TCAF1: variants seen among roughly 807,000 people sequenced by gnomAD.
TCAF1 encodes the protein TRPM8 channel associated factor 1.
TCAF1 carries 4 observed loss-of-function variants against 27.3 expected under a neutral mutation model. The ratio of observed to expected loss-of-function variants is 0.15; its 90% CI spans 0.07 to 0.34. The LOEUF (loss-of-function observed/expected upper bound fraction) is 0.34, where lower values mean the gene tolerates loss of function less well. TCAF1 is among the 10% of genes least tolerant of loss of function. The pLI, the probability that TCAF1 is intolerant of heterozygous loss-of-function variation, is 1.00. For missense variants in TCAF1, 257 were observed against 425.8 expected (o/e 0.60, Z 3.49); for synonymous variants, 105 against 167.1 (o/e 0.63, Z 2.87).
intron 1 of TCAF1, among the ~76,000 whole-genome samples, chr7:143,890,313 A>G (rs1446565072): frequency 6.6e-6 from 1 of 152,184 alleles, no homozygotes; most frequent in Non-Finnish European, 1.5e-5. Context: ...ATGTAAAAAT[A>G]CTGTATCTAC....
chr7:143,886,960 G>A (rs142405600), intron 1 of TCAF1, among the ~76,000 whole-genome samples: 3,790 of 147,454 alleles, frequency 0.026, 76 homozygotes, highest in South Asian at 0.053. Flanking sequence ...TCCTGCTTCC[G>A]CTCCCAAAGT....
At chr7:143,886,179 TCCCCAGGG>T (rs1228509779) in intron 1 of TCAF1, among the ~76,000 whole-genome samples, 4 of 151,922 alleles carry the variant, frequency 2.6e-5, no homozygotes, top group African/African-American at 9.7e-5. Flanking sequence ...TTATGGCTGG[TCCCCAGGG>T]CCCCAGGGAG....
At chr7:143,901,725 C>T (rs1252920588) in intron 1 of TCAF1, among the ~76,000 whole-genome samples, 1 of 152,192 alleles carries the variant, frequency 6.6e-6, no homozygotes, top group African/African-American at 2.4e-5. Flanking sequence ...ACAAATCCTA[C>T]GAAAATAGGG....
chr7:143,894,715 GA>G, intron 1 of TCAF1, among the ~76,000 whole-genome samples: 1 of 151,550 alleles, frequency 6.6e-6, no homozygotes, highest in East Asian at 1.9e-4. Flanking sequence ...ATAAAAATTA[GA>G]TATTATAAAA....
In TCAF1 at chr7:143,901,116, G is replaced by C. The variant is rs560038880; in HGVS notation, c.-15+845C>G. ...GCCCTATTTCTTGACCCAAGGAGAT[G>C]GTCAGGCATTCGTTTCATTATTTTT... On this transcript the variant is annotated intron_variant, in intron 1 of 8. Coordinates refer to ENST00000479870, the MANE Select transcript of TCAF1 (RefSeq NM_014719.3). 2.2e-4 allele frequency among the ~76,000 whole-genome samples: 33 copies of C among 152,194 alleles called. No homozygotes were observed. The South Asian group carries it at 6.4e-3, about 30-fold the overall frequency.
chr7:143,875,904 T>C, intron 2 of TCAF1, 85 bp downstream of exon 2: 1 of 1,266,930 alleles, frequency 7.9e-7, no homozygotes, highest in Non-Finnish European at 1.1e-6. Flanking sequence ...AGCACTCTTC[T>C]GTTAGCCTTG....
At chr7:143,895,375 G>A (rs977491066) in intron 1 of TCAF1, among the ~76,000 whole-genome samples, 9 of 151,688 alleles carry the variant, frequency 5.9e-5, no homozygotes, top group South Asian at 2.1e-4. Context: ...GAATCTCATC[G>A]ACCTAAAACT....
intron 1 of TCAF1, chr7:143,882,634 C>T: frequency 2.0e-6 from 2 of 984,894 alleles, no homozygotes; most frequent in Non-Finnish European, 2.4e-6. Context: ...CGCACCCCCG[C>T]CCCGGCCTCC....
chr7:143,874,960 A>G (rs1311227271), intron 2 of TCAF1, among the ~76,000 whole-genome samples: 1 of 152,228 alleles, frequency 6.6e-6, no homozygotes, highest in Non-Finnish European at 1.5e-5. Context: ...ACTCCTTTGC[A>G]GAAGCCCAAT....
At position 143,876,412 on chromosome 7, in the gene TCAF1, T is replaced by TCCTCATGGGACACGA. The variant is rs745724248; in HGVS notation, c.182_196dup (p.Val61_Glu65dup). The TCCTCATGGGACACGA allele has an allele frequency of 1.9e-6, 3 of 1,613,258 alleles. No homozygotes were observed. The highest frequency in any genetic ancestry group is 8.5e-7 in the Non-Finnish European group (1 of 1,179,658). On this transcript the variant is annotated inframe_insertion, in exon 2 of 9. Coordinates refer to ENST00000479870, the MANE Select transcript of TCAF1 (RefSeq NM_014719.3). ...CGTGAGCTGGGCTTCCACCAAGTAG[T>TCCTCATGGGACACGA]CCTCATGGGACACGACCACCAGGCG...
intron 5 of TCAF1, among the ~76,000 whole-genome samples, chr7:143,860,754 A>C (rs1481328282): frequency 6.9e-5 from 10 of 144,340 alleles, no homozygotes; most frequent in East Asian, 2.2e-4. Flanking sequence ...GACAGGCCCC[A>C]ATGTGTGTTG....
chr7:143,880,666 T>A (rs1812965662), intron 1 of TCAF1, among the ~76,000 whole-genome samples: 1 of 152,220 alleles, frequency 6.6e-6, no homozygotes. Context: ...CAACTGATCC[T>A]GGCTCACTGG....
intron 1 of TCAF1, among the ~76,000 whole-genome samples, chr7:143,896,863 A>G (rs1348173130): frequency 6.6e-6 from 1 of 151,770 alleles, no homozygotes; most frequent in African/African-American, 2.4e-5. Context: ...TGAGCTAAGC[A>G]TATAATTTAA....
At chr7:143,900,520 G>C (rs535122606) in intron 1 of TCAF1, among the ~76,000 whole-genome samples, 12 of 152,120 alleles carry the variant, frequency 7.9e-5, no homozygotes, top group African/African-American at 2.9e-4. Context: ...AGAGGTCCTC[G>C]ACCCTACGCC....
chr7:143,899,611 T>C (rs1003122801), intron 1 of TCAF1, among the ~76,000 whole-genome samples: 2 of 152,156 alleles, frequency 1.3e-5, no homozygotes, highest in African/African-American at 2.4e-5. Flanking sequence ...TAAAAGAAAG[T>C]ACTACTAACT....
intron 1 of TCAF1, chr7:143,885,216 G>T: frequency 7.1e-6 from 7 of 985,534 alleles, no homozygotes; most frequent in Non-Finnish European, 8.4e-6. Context: ...TCACCCTTTC[G>T]TCCAGCAATT....
rs1209106637 is a variant in TCAF1 at position 143,851,513 on chromosome 7, A to C, written c.*2620T>G. 9 of 152,384 alleles carry C rather than the reference A, an allele frequency of 5.9e-5. No homozygotes were observed. The highest frequency in any genetic ancestry group is 1.3e-4 in the Admixed American group (2 of 15,294). 9.4% of individuals were successfully genotyped at this position (152,384 alleles called of 1,614,324 possible). A position where few individuals can be genotyped will look rare whatever the true frequency, so the allele number is the denominator to read the frequency against. Reference sequence around the variant, plus strand: ...TTTTTAAATCTAAATCCCATTCCCTAGAGGTAATGCTTTTAACAATATTTA... The same window carrying C: ...TTTTTAAATCTAAATCCCATTCCCTCGAGGTAATGCTTTTAACAATATTTA... On this transcript the variant is annotated 3_prime_UTR_variant, in exon 9 of 9. Coordinates refer to ENST00000479870, the MANE Select transcript of TCAF1 (RefSeq NM_014719.3).
intron 1 of TCAF1, among the ~76,000 whole-genome samples, chr7:143,896,925 A>C (rs1242031877): frequency 6.6e-6 from 1 of 151,176 alleles, no homozygotes; most frequent in Non-Finnish European, 1.5e-5. Flanking sequence ...GAAAGTAATA[A>C]AATAGGTAAA....
intron 1 of TCAF1, among the ~76,000 whole-genome samples, chr7:143,878,059 CT>C (rs1238985068): frequency 6.6e-6 from 1 of 152,130 alleles, no homozygotes; most frequent in African/African-American, 2.4e-5. Flanking sequence ...GACAACACAT[CT>C]CAGATTTAGT....
Sources: allele counts gnomAD v4.1 joint callset (sites outside exome capture counted in the v4.1 genomes callset), GRCh38; gene constraint gnomAD v4.1.1; transcripts MANE v1.5; gene names NCBI Gene and HGNC (gene_info 2026-07-23, HGNC 2026-07-21).